Variants in TM2D2 observed in about 807,000 individuals in gnomAD.
TM2D2 encodes the protein TM2 domain containing 2.
A neutral mutation model predicts 23.0 loss-of-function variants in TM2D2; 19 were observed. The ratio of observed to expected loss-of-function variants is 0.82; its 90% CI spans 0.58 to 1.21. The LOEUF (loss-of-function observed/expected upper bound fraction) is 1.21. Ranked by LOEUF, TM2D2 falls within the 50% of genes most tolerant of loss-of-function variation. The pLI, the probability that TM2D2 is intolerant of heterozygous loss-of-function variation, is 0.00. For synonymous variants in TM2D2, 120 were observed against 108.8 expected (o/e 1.10, Z -0.64); for missense variants, 246 against 265.4 (o/e 0.93, Z 0.51).
In TM2D2 at chr8:38,991,516, A is replaced by T; in HGVS notation, c.461T>A (p.Leu154Ter). Residue 154 changes from leucine to a stop codon, truncating the protein, a stop_gained, in exon 4 of 4, where the codon TTA (leucine) becomes TAA (stop). Coordinates refer to ENST00000456397, the MANE Select transcript of TM2D2 (RefSeq NM_078473.3). LOFTEE classifies it high-confidence loss of function. ...KYTGHYFITT[L>*]LYSFFLGCFG... is the part of the protein sequence containing the mutation. ...ACATCCCAGGAAGAAGGAGTAGAGT[A>T]AAGTGGTTATGAAGTAGTGTCCGGT... 1.2e-6 allele frequency: 2 copies of T among 1,614,110 alleles called. No homozygotes were observed. Among genetic ancestry groups the T allele is most frequent in the Non-Finnish European group, 8.5e-7 (1 of 1,179,906 alleles).
rs970232520 is a variant in TM2D2, at chr8:38,995,579, G to A, written c.228-174C>T. 1.1e-5 allele frequency: 17 copies of A among 1,483,632 alleles called. No individual in the cohort carries two copies. The African/African-American group carries it at 2.1e-4, about 18-fold the overall frequency. 91.9% of individuals were successfully genotyped at this position (1,483,632 alleles called of 1,614,324 possible). A position where few individuals can be genotyped will look rare whatever the true frequency, so the allele number is the denominator to read the frequency against. On this transcript the variant is annotated intron_variant, in intron 1 of 3. Transcript: ENST00000456397. The stretch of plus-strand genomic sequence containing the variant: ...TAAACTGAAGCACAGCAGGTCAAAC[G>A]GACAGCCACCAAAATGAACCTTTTG...
chr8:38,995,470 A>G lies in TM2D2; in HGVS notation c.228-65T>C, dbSNP rs749555345. The G allele has an allele frequency of 6.9e-6, 11 of 1,596,008 alleles. No individual in the cohort carries two copies. The South Asian group carries it at 1.1e-4, about 16-fold the overall frequency. Reference sequence around the variant, plus strand: ...TCTTTGCAAATCGCTGTTTGCATGCACGTAATCAAAACGGGCAAAAGACAT... The same window carrying G: ...TCTTTGCAAATCGCTGTTTGCATGCGCGTAATCAAAACGGGCAAAAGACAT... On this transcript the variant is annotated intron_variant, in intron 1 of 3. Coordinates refer to ENST00000456397, the MANE Select transcript of TM2D2 (RefSeq NM_078473.3).
At chr8:38,996,719 G>A (rs763208324), upstream of TM2D2, 11 of 1,419,750 alleles carry the variant, frequency 7.7e-6, no homozygotes, top group South Asian at 1.5e-5. Context: ...TTCTCCAATC[G>A]GATCCGTCGA....
rs1437901342 is a variant in TM2D2 at position 38,990,015 on chromosome 8, TTGTTA to T, written c.*1312_*1316del. 1.9e-4 allele frequency: 29 copies of T among 152,238 alleles called. No individual in the cohort carries two copies. The highest frequency in any genetic ancestry group is 3.8e-4 in the Non-Finnish European group (26 of 68,036). The allele number at this position is 152,238 out of a possible 1,614,324, so 9.4% of individuals were successfully genotyped here. A position where few individuals can be genotyped will look rare whatever the true frequency, so the allele number is the denominator to read the frequency against. ...AGATTATGAATTAAAAGTTTACCAA[TTGTTA>T]TGTTATAAGCAAGGTTAAGGTCAGT... On this transcript the variant is annotated 3_prime_UTR_variant, in exon 4 of 4. Coordinates refer to ENST00000456397, the MANE Select transcript of TM2D2 (RefSeq NM_078473.3).
chr8:38,996,663 T>A, upstream of TM2D2: 1 of 1,424,136 alleles, frequency 7.0e-7, no homozygotes, highest in Admixed American at 2.9e-5. Flanking sequence ...TGCTTCTCGA[T>A]TCCTCTTCTG....
chr8:38,989,540 G>C lies in TM2D2; in HGVS notation c.*1792C>G, dbSNP rs1263757995. ...TCACCATGTTGGCCAGGCTGGTCTC[G>C]AACTCCTGACCTTAAAGGATTCACC... On this transcript the variant is annotated 3_prime_UTR_variant, in exon 4 of 4. Coordinates refer to ENST00000456397, the MANE Select transcript of TM2D2 (RefSeq NM_078473.3). 6.6e-6 allele frequency: 1 copy of C among 152,196 alleles called. No individual in the cohort carries two copies. The highest frequency in any genetic ancestry group is 2.1e-4 in the South Asian group (1 of 4,830). 9.4% of individuals were successfully genotyped at this position (152,196 alleles called of 1,614,324 possible). A position where few individuals can be genotyped will look rare whatever the true frequency, so the allele number is the denominator to read the frequency against.
intron 2 of TM2D2, 57 bp downstream of exon 2, chr8:38,995,261 C>T (rs572049171): frequency 2.7e-5 from 33 of 1,241,668 alleles, no homozygotes; most frequent in Non-Finnish European, 3.0e-5. Context: ...TAATAGCATT[C>T]AGACATTCCT....
intron 3 of TM2D2, among the ~76,000 whole-genome samples, chr8:38,992,767 C>CT (rs1367351029): frequency 6.6e-6 from 1 of 152,060 alleles, no homozygotes; most frequent in African/African-American, 2.4e-5. Flanking sequence ...ATGTAGTTCT[C>CT]TAAGGAAGCA....
At chr8:38,996,834 G>T (rs1835821227), upstream of TM2D2, 2 of 1,439,498 alleles carry the variant, frequency 1.4e-6, no homozygotes, top group Non-Finnish European at 1.8e-6. Context: ...CTATTCTCGC[G>T]CCGGGGACTG....
intron 3 of TM2D2, 130 bp from the exon 4 acceptor site, chr8:38,991,675 T>G (rs1346316288): frequency 1.4e-6 from 1 of 733,600 alleles, no homozygotes; most frequent in East Asian, 2.7e-5. Flanking sequence ...TCCATTTTGT[T>G]TTCTTTTATG....
At chr8:38,991,626 G>T in intron 3 of TM2D2, 81 bp from the exon 4 acceptor site, 1 of 1,083,542 alleles carries the variant, frequency 9.2e-7, no homozygotes, top group African/African-American at 1.5e-5. Flanking sequence ...TAACGTAAGT[G>T]ATGAGACAGT....
chr8:38,991,896 CTGGCTAGT>C (rs1344040045), intron 3 of TM2D2, among the ~76,000 whole-genome samples: 1 of 152,164 alleles, frequency 6.6e-6, no homozygotes, highest in East Asian at 1.9e-4. Context: ...TAGTTTAGAA[CTGGCTAGT>C]TTGAATAACC....
chr8:38,995,486 C>A, intron 1 of TM2D2, 81 bp from the exon 2 acceptor site: 2 of 1,586,478 alleles, frequency 1.3e-6, no homozygotes, highest in African/African-American at 1.4e-5. Flanking sequence ...TCAAAACGGG[C>A]AAAAGACATT....
chr8:38,991,282 C>A lies in TM2D2; in HGVS notation c.*50G>T. ...AGTTTTGAGCCTGTAGAGATGAATT[C>A]AGAAGACGGAGCTTTCACCCGCCTC... On this transcript the variant is annotated 3_prime_UTR_variant, in exon 4 of 4. Coordinates refer to ENST00000456397, the MANE Select transcript of TM2D2 (RefSeq NM_078473.3). 8 of 1,466,800 alleles carry A rather than the reference C, an allele frequency of 5.5e-6. No individual in the cohort carries two copies. Among genetic ancestry groups the A allele is most frequent in the South Asian group, 1.2e-5 (1 of 85,674 alleles). 90.9% of individuals were successfully genotyped at this position (1,466,800 alleles called of 1,614,324 possible). A position where few individuals can be genotyped will look rare whatever the true frequency, so the allele number is the denominator to read the frequency against.
rs1169256336 is a variant in TM2D2 at position 38,991,536 on chromosome 8, T to C, written c.441A>G (p.Gly147=). ...AGAGTAAAGTGGTTATGAAGTAGTG[T>C]CCGGTATACCTAGGTGAAAGGAATG... ...RENKPCIKYT[G]HYFITTLLYS... is the part of the protein sequence containing the mutation. Residue 147 remains glycine, a synonymous_variant, in exon 4 of 4, where the codon GGA becomes GGG. Transcript: ENST00000456397. The C allele has an allele frequency of 1.2e-6, 2 of 1,612,254 alleles. No individual in the cohort carries two copies. The highest frequency in any genetic ancestry group is 2.7e-5 in the African/African-American group (2 of 74,984).
rs771622662 is a variant in TM2D2, at chr8:38,990,369, T to C, written c.*963A>G. ...TATTTAATAGTTCTTTCAACTTAGA[T>C]TGCAAACGATGAGAACTGAGTTTTT... On this transcript the variant is annotated 3_prime_UTR_variant, in exon 4 of 4. Coordinates refer to ENST00000456397, the MANE Select transcript of TM2D2 (RefSeq NM_078473.3). 38 of 152,380 alleles carry C rather than the reference T, an allele frequency of 2.5e-4. 1 individual carries two copies. The highest frequency in any genetic ancestry group is 8.9e-4 in the African/African-American group (37 of 41,598). 9.4% of individuals were successfully genotyped at this position (152,380 alleles called of 1,614,324 possible). A position where few individuals can be genotyped will look rare whatever the true frequency, so the allele number is the denominator to read the frequency against.
chr8:38,994,442 A>G (rs1175727027), intron 2 of TM2D2, among the ~76,000 whole-genome samples: 7 of 152,224 alleles, frequency 4.6e-5, no homozygotes, highest in Non-Finnish European at 1.0e-4. Flanking sequence ...AGTGATCTCT[A>G]TACAATATTA....
At position 38,995,467 on chromosome 8, in the gene TM2D2, T is replaced by G. The variant is rs756514840; in HGVS notation, c.228-62A>C. 3.8e-6 allele frequency: 6 copies of G among 1,599,660 alleles called. No individual in the cohort carries two copies. In the East Asian group the frequency reaches 1.2e-4, roughly 31 times the overall value. ...CGGTCTTTGCAAATCGCTGTTTGCA[T>G]GCACGTAATCAAAACGGGCAAAAGA... On this transcript the variant is annotated intron_variant, in intron 1 of 3. Coordinates refer to ENST00000456397, the MANE Select transcript of TM2D2 (RefSeq NM_078473.3).
chr8:38,996,876 T>C, upstream of TM2D2: 6 of 1,465,500 alleles, frequency 4.1e-6, no homozygotes, highest in Non-Finnish European at 5.4e-6. Flanking sequence ...AGCTAGGCGA[T>C]GTCGGGAGCG....
Sources: gnomAD v4.1 joint callset for allele counts (sites outside exome capture counted in the v4.1 genomes callset) on GRCh38, gnomAD v4.1.1 for gene constraint, MANE v1.5 for transcripts, NCBI Gene and HGNC (gene_info 2026-07-23, HGNC 2026-07-21) for gene names.